Variants in THEM6 observed in about 807,000 individuals in gnomAD.
THEM6 encodes protein THEM6.
THEM6 carries 10 observed loss-of-function variants against 13.7 expected under a neutral mutation model. The observed-to-expected ratio is 0.73, with a 90% CI of 0.45 to 1.24. The LOEUF (loss-of-function observed/expected upper bound fraction) is 1.24. THEM6 is among the 50% of genes most tolerant of loss of function. The pLI is 0.00. For synonymous variants in THEM6, 161 were observed against 156.0 expected (o/e 1.03, Z -0.24); for missense variants, 317 against 312.6 (o/e 1.01, Z -0.11).
In THEM6 at chr8:142,735,335, CCTGAGCTGCCCGCTGAT is replaced by C. The variant is rs778623796; in HGVS notation, c.527_543del (p.Glu176AlafsTer22). 4 of 1,558,222 alleles carry C rather than the reference CCTGAGCTGCCCGCTGAT, an allele frequency of 2.6e-6. No homozygotes were observed. Among genetic ancestry groups the C allele is most frequent in the Non-Finnish European group, 3.5e-6 (4 of 1,151,296 alleles). On this transcript the variant is annotated frameshift_variant, in exon 2 of 2. Transcript: ENST00000336138. LOFTEE classifies it high-confidence loss of function. Reference sequence around the variant, plus strand: ...TTTCTGTCCTCTGCAGGTGGAGCCCCCTGAGCTGCCCGCTGATCTGCAGCACTGGATCTCCTACAACG... The same window carrying C: ...TTTCTGTCCTCTGCAGGTGGAGCCCCCTGCAGCACTGGATCTCCTACAACG...
chr8:142,727,445 C>G lies in THEM6; in HGVS notation c.99C>G (p.Arg33=). The change falls in exon 1 of 2, where the codon CGC becomes CGG. Residue 33 remains arginine, a synonymous_variant. Coordinates refer to ENST00000336138, the MANE Select transcript of THEM6 (RefSeq NM_016647.3). ...TGCGCCTTCCGTGCGCCGTGCTGCG[C>G]GCGCGCCTGCTGCAGCCGCGCGTCC... ...YLVRLPCAVL[R]ARLLQPRVRD... is the part of the protein sequence containing the mutation. 1.3e-6 allele frequency: 2 copies of G among 1,556,516 alleles called. No individual in the cohort carries two copies. The highest frequency in any genetic ancestry group is 1.7e-6 in the Non-Finnish European group (2 of 1,158,630).
chr8:142,727,602 G>C lies in THEM6; in HGVS notation c.256G>C (p.Gly86Arg). Reference sequence around the variant, plus strand: ...GCGCGTCGCGCACCTGACCCGCTGCGGGGTGCTCGGGGCGCTGAGGGAGTT... The same window carrying C: ...GCGCGTCGCGCACCTGACCCGCTGCCGGGTGCTCGGGGCGCTGAGGGAGTT... ...FARVAHLTRC[G>R]VLGALRELRA... Residue 86 changes from glycine to arginine, a missense_variant, in exon 1 of 2, where the codon GGG (glycine) becomes CGG (arginine). Coordinates refer to ENST00000336138, the MANE Select transcript of THEM6 (RefSeq NM_016647.3). 1.3e-6 allele frequency: 2 copies of C among 1,509,592 alleles called. No homozygotes were observed. The highest frequency in any genetic ancestry group is 2.7e-5 in the East Asian group (1 of 37,060). The allele number at this position is 1,509,592 out of a possible 1,614,324, so 93.5% of individuals were successfully genotyped here. A position where few individuals can be genotyped will look rare whatever the true frequency, so the allele number is the denominator to read the frequency against.
At chr8:142,733,704 G>A (rs980866378) in intron 1 of THEM6, among the ~76,000 whole-genome samples, 3 of 152,300 alleles carry the variant, frequency 2.0e-5, no homozygotes, top group South Asian at 4.1e-4. Flanking sequence ...AAAAAGTATC[G>A]GAGATATGTC....
At chr8:142,735,183 G>C (rs1248945990) in intron 1 of THEM6, 143 bp from the exon 2 acceptor site, 1 of 655,370 alleles carries the variant, frequency 1.5e-6, no homozygotes, top group Non-Finnish European at 2.7e-6. Flanking sequence ...CAAGTGTGCA[G>C]AGCCTGGGGA....
chr8:142,730,015 C>A (rs587740834), intron 1 of THEM6, among the ~76,000 whole-genome samples: 1 of 152,112 alleles, frequency 6.6e-6, no homozygotes, highest in Non-Finnish European at 1.5e-5. Context: ...TTTACATTTC[C>A]GCAAGGTATG....
chr8:142,732,131 T>C (rs370806901), intron 1 of THEM6, among the ~76,000 whole-genome samples: 1 of 135,212 alleles, frequency 7.4e-6, no homozygotes, highest in East Asian at 2.1e-4. Flanking sequence ...CCTTTTTCTT[T>C]CCCTGTGAAG....
chr8:142,730,486 G>C (rs782056352), intron 1 of THEM6, among the ~76,000 whole-genome samples: 1 of 152,124 alleles, frequency 6.6e-6, no homozygotes, highest in East Asian at 1.9e-4. Flanking sequence ...GATGCCTCCC[G>C]CTCCATTCCT....
intron 1 of THEM6, among the ~76,000 whole-genome samples, chr8:142,728,658 G>A (rs1554642673): frequency 6.6e-6 from 1 of 152,252 alleles, no homozygotes. Context: ...TACAGGAAAG[G>A]GATTCAGATC....
In THEM6 at chr8:142,736,610, C is replaced by T. The variant is rs1267980020; in HGVS notation, c.*1171C>T. The T allele has an allele frequency of 6.6e-6, 1 of 152,328 alleles. No homozygotes were observed. The highest frequency in any genetic ancestry group is 1.5e-5 in the Non-Finnish European group (1 of 68,126). 9.4% of individuals were successfully genotyped at this position (152,328 alleles called of 1,614,324 possible). A position where few individuals can be genotyped will look rare whatever the true frequency, so the allele number is the denominator to read the frequency against. ...ACCAAGGCAAAGTTGGGGCTGGTCC[C>T]AGCCTGAGGCTCCAGCTGATGCCCT... On this transcript the variant is annotated 3_prime_UTR_variant, in exon 2 of 2. Coordinates refer to ENST00000336138, the MANE Select transcript of THEM6 (RefSeq NM_016647.3).
rs587688124 is a variant in THEM6, at chr8:142,728,411, C to G, written c.513+552C>G. On this transcript the variant is annotated intron_variant, in intron 1 of 1. Coordinates refer to ENST00000336138, the MANE Select transcript of THEM6 (RefSeq NM_016647.3). ...GGAGAGAGGAGGGCCATGCACCTCCCAGGGCTCGCTCCTCCCAGCAGGGCA... is the reference window on the plus strand; with the variant it reads ...GGAGAGAGGAGGGCCATGCACCTCCGAGGGCTCGCTCCTCCCAGCAGGGCA... Among the ~76,000 whole-genome samples, 136 of 152,356 alleles carry G rather than the reference C, an allele frequency of 8.9e-4. 1 individual carries two copies. The highest frequency in any genetic ancestry group is 3.2e-3 in the African/African-American group (134 of 41,590).
chr8:142,735,760 G>C lies in THEM6; in HGVS notation c.*321G>C. 3.1e-6 allele frequency: 1 copy of C among 322,064 alleles called. No homozygotes were observed. The allele number at this position is 322,064 out of a possible 1,614,324, so 20.0% of individuals were successfully genotyped here. On this transcript the variant is annotated 3_prime_UTR_variant, in exon 2 of 2. Coordinates refer to ENST00000336138, the MANE Select transcript of THEM6 (RefSeq NM_016647.3). ...GTAGGGGAGGATGGTGCCTGGAGCA[G>C]AGGGACCCACAAGTGCCTCCCGAGC... is the stretch of plus-strand genomic sequence containing the variant.
Position 142,727,818 on chromosome 8 carries a change from A to T in THEM6, c.472A>T (p.Thr158Ser), listed in dbSNP as rs890019613. ...LLRFRQHLLG[T>S]SPERVVQHLC... ...GCGCTTCCGGCAGCACCTGCTGGGC[A>T]CCTCACCCGAGCGCGTCGTGCAGCA... The change falls in exon 1 of 2, where the codon ACC becomes TCC. Residue 158 changes from threonine (T) to serine (S), a missense_variant. Transcript: ENST00000336138. 21 of 1,462,056 alleles carry T rather than the reference A, an allele frequency of 1.4e-5. No individual in the cohort carries two copies. In the Admixed American group the frequency reaches 3.2e-4, roughly 23 times the overall value. 90.6% of individuals were successfully genotyped at this position (1,462,056 alleles called of 1,614,324 possible). A position where few individuals can be genotyped will look rare whatever the true frequency, so the allele number is the denominator to read the frequency against.
At position 142,732,204 on chromosome 8, in the gene THEM6, A is replaced by ATG. The variant is rs1554643009; in HGVS notation, c.514-3121_514-3120insGT. 5.9e-4 allele frequency among the ~76,000 whole-genome samples: 61 copies of ATG among 102,676 alleles called. 1 individual carries two copies. The highest frequency in any genetic ancestry group is 2.5e-3 in the African/African-American group (60 of 23,614). 67.4% of individuals were successfully genotyped at this position (102,676 alleles called of 152,430 possible). On this transcript the variant is annotated intron_variant, in intron 1 of 1. Coordinates refer to ENST00000336138, the MANE Select transcript of THEM6 (RefSeq NM_016647.3). ...TATATATATATATATATATATATAT[A>ATG]TATTTTAACTACTGGAGGTTTGTGT...
Position 142,731,840 on chromosome 8 carries a change from G to A in THEM6, c.514-3486G>A, listed in dbSNP as rs587633486. Among the ~76,000 whole-genome samples, 162 of 152,058 alleles carry A rather than the reference G, an allele frequency of 1.1e-3. 1 individual carries two copies. The highest frequency in any genetic ancestry group is 3.8e-3 in the African/African-American group (159 of 41,442). On this transcript the variant is annotated intron_variant, in intron 1 of 1. Coordinates refer to ENST00000336138, the MANE Select transcript of THEM6 (RefSeq NM_016647.3). Reference sequence around the variant, plus strand: ...CCTTTCTTCCTACACTTAGTTTCTCGGGCTGGGTGGGATTTGCATGGCTGC... The same window carrying A: ...CCTTTCTTCCTACACTTAGTTTCTCAGGCTGGGTGGGATTTGCATGGCTGC...
intron 1 of THEM6, 117 bp from the exon 2 acceptor site, chr8:142,735,199 GGGCAAAGCAT>G (rs1472314318): frequency 1.6e-5 from 11 of 701,724 alleles, no homozygotes; most frequent in Non-Finnish European, 2.5e-5. Context: ...GGGGAGGCAT[GGGCAAAGCAT>G]GGCAGGCGGC....
At chr8:142,730,960 T>C (rs1335746820) in intron 1 of THEM6, among the ~76,000 whole-genome samples, 1 of 152,206 alleles carries the variant, frequency 6.6e-6, no homozygotes, top group Non-Finnish European at 1.5e-5. Context: ...TTAGCCAGGA[T>C]AGTCTCGATC....
chr8:142,729,124 G>C (rs1815590237), intron 1 of THEM6, among the ~76,000 whole-genome samples: 1 of 151,870 alleles, frequency 6.6e-6, no homozygotes, highest in Admixed American at 6.6e-5. Context: ...ATTTTTAGTA[G>C]AGACGGGGTT....
intron 1 of THEM6, among the ~76,000 whole-genome samples, chr8:142,733,352 A>G (rs1474512845): frequency 6.6e-6 from 1 of 152,264 alleles, no homozygotes; most frequent in African/African-American, 2.4e-5. Context: ...TATTACTGCT[A>G]GCAGATATTT....
At position 142,727,708 on chromosome 8, in the gene THEM6, C is replaced by T. The variant is rs184540082; in HGVS notation, c.362C>T (p.Thr121Ile). The T allele has an allele frequency of 5.6e-6, 8 of 1,432,022 alleles. No homozygotes were observed. The highest frequency in any genetic ancestry group is 1.5e-5 in the African/African-American group (1 of 66,644). The allele number at this position is 1,432,022 out of a possible 1,614,324, so 88.7% of individuals were successfully genotyped here. A position where few individuals can be genotyped will look rare whatever the true frequency, so the allele number is the denominator to read the frequency against. The change falls in exon 1 of 2, where the codon ACC becomes ATC. Residue 121 changes from threonine to isoleucine, a missense_variant. Coordinates refer to ENST00000336138, the MANE Select transcript of THEM6 (RefSeq NM_016647.3). ...LRLLEPFEVR[T>I]RLLGWDDRAF... ...CTGCTGGAGCCCTTCGAGGTGCGCACCCGCCTGCTGGGCTGGGACGACCGC... is the reference window on the plus strand; with the variant it reads ...CTGCTGGAGCCCTTCGAGGTGCGCATCCGCCTGCTGGGCTGGGACGACCGC...
Sources: allele counts gnomAD v4.1 joint callset (sites outside exome capture counted in the v4.1 genomes callset), GRCh38; gene constraint gnomAD v4.1.1; transcripts MANE v1.5; gene names NCBI Gene and HGNC (gene_info 2026-07-23, HGNC 2026-07-21).